NID1: variants seen among roughly 807,000 people sequenced by gnomAD.
NID1 encodes the protein nidogen-1.
A neutral mutation model predicts 130.6 loss-of-function variants in NID1; 76 were observed. That is an observed-to-expected ratio of 0.58 (90% CI 0.48 to 0.70). The LOEUF is 0.70. Among genes scored for constraint, NID1 ranks in the 30% least tolerant of loss-of-function variants. The probability of loss-of-function intolerance (pLI) is 0.00; values close to 1 mark genes in which losing one functional copy is unlikely to be tolerated. For synonymous variants in NID1, 665 were observed against 675.1 expected, an observed-to-expected ratio of 0.98 and a Z score of 0.23; for missense variants, 1,517 against 1,664.8, an observed-to-expected ratio of 0.91 and a Z score of 1.54.
At chr1:235,984,275 A>C (rs1221185024) in intron 15 of NID1, among the ~76,000 whole-genome samples, 1 of 152,196 alleles carries the variant, frequency 6.6e-6, no homozygotes, top group African/African-American at 2.4e-5. Flanking sequence ...AAGCATGAAA[A>C]CTGGAAGACA....
intron 1 of NID1, among the ~76,000 whole-genome samples, chr1:236,058,678 C>A (rs1350293072): frequency 6.6e-6 from 1 of 152,102 alleles, no homozygotes; most frequent in Non-Finnish European, 1.5e-5. Flanking sequence ...TTCTTATGTC[C>A]AAATACTCCC....
At chr1:235,998,741 C>T (rs1050593510) in intron 12 of NID1, among the ~76,000 whole-genome samples, 5 of 152,110 alleles carry the variant, frequency 3.3e-5, no homozygotes, top group African/African-American at 7.2e-5. Flanking sequence ...CAAAATTTTA[C>T]GTTGGCATAG....
intron 5 of NID1, among the ~76,000 whole-genome samples, chr1:236,037,825 C>T (rs559008846): frequency 4.6e-5 from 7 of 152,316 alleles, no homozygotes; most frequent in African/African-American, 1.7e-4. Context: ...TGGCCACACA[C>T]CACGCAGTTG....
intron 3 of NID1, among the ~76,000 whole-genome samples, chr1:236,042,626 G>A (rs769027475): frequency 3.9e-5 from 6 of 152,208 alleles, no homozygotes; most frequent in South Asian, 2.1e-4. Flanking sequence ...ATGAGCTAAG[G>A]TGGCTCATAG....
chr1:236,033,781 G>C (rs1659167558), intron 5 of NID1, among the ~76,000 whole-genome samples: 1 of 152,126 alleles, frequency 6.6e-6, no homozygotes, highest in Admixed American at 6.5e-5. Flanking sequence ...GGCAAACGTG[G>C]TGAATTCATT....
At chr1:235,985,279 G>T in intron 15 of NID1, 100 bp downstream of exon 15, 1 of 1,227,934 alleles carries the variant, frequency 8.1e-7, no homozygotes. Context: ...AGAAATGTTT[G>T]TGAAAGTTTG....
intron 12 of NID1, among the ~76,000 whole-genome samples, chr1:235,996,459 T>C (rs1282255578): frequency 1.3e-5 from 2 of 152,156 alleles, no homozygotes; most frequent in Non-Finnish European, 2.9e-5. Context: ...TATTTTTTTT[T>C]TAAGACAGGA....
At chr1:236,022,699 G>A (rs1320168239) in intron 9 of NID1, among the ~76,000 whole-genome samples, 1 of 151,882 alleles carries the variant, frequency 6.6e-6, no homozygotes, top group Admixed American at 6.6e-5. Flanking sequence ...TGAAATGCTT[G>A]TGCACTGTAG....
chr1:236,055,512 T>A (rs1201638511), intron 1 of NID1, among the ~76,000 whole-genome samples: 2 of 151,714 alleles, frequency 1.3e-5, no homozygotes, highest in African/African-American at 4.8e-5. Flanking sequence ...ACAGGTCTGG[T>A]GCAGTGGCTA....
In NID1 at chr1:235,985,491, A is replaced by G. The variant is rs992858830; in HGVS notation, c.2943T>C (p.Ile981=). 1.9e-6 allele frequency: 3 copies of G among 1,614,182 alleles called. No homozygotes were observed. Among genetic ancestry groups the G allele is most frequent in the Non-Finnish European group, 8.5e-7 (1 of 1,180,002 alleles). The part of the protein sequence containing the change: ...AFLHVPAKVI[I]GLAFDCVDKM... Reference sequence around the variant, plus strand: ...TGTCCACGCAGTCAAAGGCCAGTCCAATGATGACTTTAGCCTGGATGTGAA... The same window carrying G: ...TGTCCACGCAGTCAAAGGCCAGTCCGATGATGACTTTAGCCTGGATGTGAA... The change falls in exon 15 of 20, where the codon ATT becomes ATC. Residue 981 remains isoleucine (I), a synonymous_variant. Coordinates refer to ENST00000264187, the MANE Select transcript of NID1 (RefSeq NM_002508.3).
At chr1:236,001,077 A>G (rs1219521833) in intron 12 of NID1, among the ~76,000 whole-genome samples, 1 of 151,582 alleles carries the variant, frequency 6.6e-6, no homozygotes, top group East Asian at 1.9e-4. Flanking sequence ...AGGTGCAGTG[A>G]ACAGTCCCTG....
At position 236,032,414 on chromosome 1, in the gene NID1, C is replaced by A. The variant is rs775501933; in HGVS notation, c.1524G>T (p.Gly508=). ...FAVEQDGFKN[G]FSITGGEFTR... is the part of the protein sequence containing the mutation. Reference sequence around the variant, plus strand: ...GATATAAATTACCGGTGATGCTGAACCCATTCTTGAATCCGTCCTGCTCCA... The same window carrying A: ...GATATAAATTACCGGTGATGCTGAAACCATTCTTGAATCCGTCCTGCTCCA... Residue 508 remains glycine (G), a synonymous_variant, in exon 6 of 20, where the codon GGG becomes GGT. Transcript: ENST00000264187. 6.2e-7 allele frequency: 1 copy of A among 1,614,012 alleles called. No homozygotes were observed. The highest frequency in any genetic ancestry group is 8.5e-7 in the Non-Finnish European group (1 of 1,180,016).
At chr1:236,013,034 T>C (rs1212814834) in intron 11 of NID1, among the ~76,000 whole-genome samples, 4 of 152,244 alleles carry the variant, frequency 2.6e-5, no homozygotes, top group African/African-American at 9.6e-5. Flanking sequence ...GCCAGTTGAA[T>C]GGCTACATGT....
At chr1:236,041,398 T>C (rs1659446531) in intron 4 of NID1, among the ~76,000 whole-genome samples, 4 of 152,040 alleles carry the variant, frequency 2.6e-5, no homozygotes, top group Non-Finnish European at 2.9e-5. Context: ...TACTTTGATA[T>C]ATATATATTT....
chr1:236,017,131 T>G lies in NID1; in HGVS notation c.2254+17A>C. ...ACCATGTGAATACTGTTTCGAAAAG[T>G]TACCTGGAGAACTTACCCACACACG... On this transcript the variant is annotated intron_variant, in intron 10 of 19. Coordinates refer to ENST00000264187, the MANE Select transcript of NID1 (RefSeq NM_002508.3). 6.2e-7 allele frequency: 1 copy of G among 1,613,958 alleles called. No homozygotes were observed. The highest frequency in any genetic ancestry group is 8.5e-7 in the Non-Finnish European group (1 of 1,179,908).
intron 1 of NID1, among the ~76,000 whole-genome samples, chr1:236,055,100 C>T (rs1481460816): frequency 2.6e-5 from 4 of 151,944 alleles, no homozygotes; most frequent in East Asian, 1.9e-4. Flanking sequence ...GTCAGGAGAT[C>T]GAGACCATCC....
chr1:236,028,566 A>G (rs992076956), intron 7 of NID1, among the ~76,000 whole-genome samples: 2 of 152,106 alleles, frequency 1.3e-5, no homozygotes, highest in Admixed American at 6.6e-5. Flanking sequence ...TAAATTTCTC[A>G]ATTTTGATAA....
At chr1:235,998,150 A>G (rs1000999996) in intron 12 of NID1, among the ~76,000 whole-genome samples, 2 of 152,150 alleles carry the variant, frequency 1.3e-5, no homozygotes, top group African/African-American at 4.8e-5. Flanking sequence ...TTGCCAGTGA[A>G]TATTTGAAGT....
At chr1:236,059,021 T>A (rs569832491) in intron 1 of NID1, among the ~76,000 whole-genome samples, 4 of 152,354 alleles carry the variant, frequency 2.6e-5, no homozygotes, top group African/African-American at 7.2e-5. Context: ...AAATTTCATG[T>A]GACAGGCATT....
Sources: allele counts gnomAD v4.1 joint callset (sites outside exome capture counted in the v4.1 genomes callset), GRCh38; gene constraint gnomAD v4.1.1; transcripts MANE v1.5; gene names NCBI Gene and HGNC (gene_info 2026-07-23, HGNC 2026-07-21).